Variants in CAMTA1 observed in about 807,000 individuals in gnomAD.
CAMTA1 encodes the protein calmodulin-binding transcription activator 1.
In CAMTA1, 27 loss-of-function variants were observed where a neutral mutation model predicts 170.9. The ratio of observed to expected loss-of-function variants is 0.16; its 90% CI spans 0.12 to 0.22. CAMTA1 has a LOEUF of 0.22. CAMTA1 is among the 10% of genes least tolerant of loss of function. The pLI is 1.00. For missense variants in CAMTA1, 1,619 were observed against 2,217.2 expected (o/e 0.73, Z 5.42); for synonymous variants, 833 against 891.5 (o/e 0.93, Z 1.17).
intron 5 of CAMTA1, among the ~76,000 whole-genome samples, chr1:7,275,070 A>G (rs1401440234): frequency 7.3e-6 from 1 of 136,310 alleles, no homozygotes; most frequent in Middle Eastern, 3.6e-3. Flanking sequence ...CGAACCCAGG[A>G]GGCGGAGGTT....
intron 3 of CAMTA1, among the ~76,000 whole-genome samples, chr1:6,903,142 T>C (rs991636776): frequency 6.6e-5 from 10 of 152,200 alleles, no homozygotes; most frequent in African/African-American, 2.4e-4. Context: ...ACCATATGGA[T>C]GGAGCTGAAG....
intron 6 of CAMTA1, among the ~76,000 whole-genome samples, chr1:7,531,026 A>C (rs934590758): frequency 6.6e-6 from 1 of 152,010 alleles, no homozygotes; most frequent in African/African-American, 2.4e-5. Flanking sequence ...CATGTTGGCC[A>C]GGCTGGTCTC....
rs34313253 is a variant in CAMTA1, at chr1:6,801,814, TA to T, written c.45+16253del. On this transcript the variant is annotated intron_variant, in intron 1 of 22. Transcript: ENST00000303635. ...TAAATAAACTGTCAGAATCACACAT[TA>T]AAAAAAAAAAAAAGTGATGGTAATC... 3.8e-3 allele frequency among the ~76,000 whole-genome samples: 535 copies of T among 141,244 alleles called. 2 individuals carry two copies. The highest frequency in any genetic ancestry group is 0.022 in the Middle Eastern group (6 of 268). 92.7% of individuals were successfully genotyped at this position (141,244 alleles called of 152,430 possible). A position where few individuals can be genotyped will look rare whatever the true frequency, so the allele number is the denominator to read the frequency against.
Position 7,736,319 on chromosome 1 carries a change from C to A in CAMTA1, c.3067-25C>A. 2 of 1,607,092 alleles carry A rather than the reference C, an allele frequency of 1.2e-6. No homozygotes were observed. Among genetic ancestry groups the A allele is most frequent in the Non-Finnish European group, 1.7e-6 (2 of 1,176,016 alleles). ...GGTCGAGGGCCTTTAGTCCTGAGGTCGTAACGTGCGCTTTTTTGTGACAGT... is the reference window on the plus strand; with the variant it reads ...GGTCGAGGGCCTTTAGTCCTGAGGTAGTAACGTGCGCTTTTTTGTGACAGT... On this transcript the variant is annotated intron_variant, in intron 12 of 22. Coordinates refer to ENST00000303635, the MANE Select transcript of CAMTA1 (RefSeq NM_015215.4). The surrounding 1 kb of genome is among the most constrained non-coding windows in gnomAD (Gnocchi z 4.5).
intron 4 of CAMTA1, among the ~76,000 whole-genome samples, chr1:7,242,286 G>A (rs912438324): frequency 2.0e-5 from 3 of 152,170 alleles, no homozygotes; most frequent in Admixed American, 6.5e-5. Context: ...AATGTCAAAC[G>A]CTGGGGAGGA....
chr1:7,632,662 G>A (rs2095679286), intron 6 of CAMTA1, among the ~76,000 whole-genome samples: 1 of 152,260 alleles, frequency 6.6e-6, no homozygotes, highest in Non-Finnish European at 1.5e-5. Flanking sequence ...GGAGATGGAG[G>A]AGCCGAGGCC....
chr1:7,471,672 T>G lies in CAMTA1; in HGVS notation c.510+3771T>G, dbSNP rs560531523. On this transcript the variant is annotated intron_variant, in intron 6 of 22. Transcript: ENST00000303635. ...GCTCCGTTCTCCCGATGCCTTGGCCTCTGCCCCTACCGCCTGATGTGGGTG... is the reference window on the plus strand; with the variant it reads ...GCTCCGTTCTCCCGATGCCTTGGCCGCTGCCCCTACCGCCTGATGTGGGTG... Among the ~76,000 whole-genome samples the G allele has an allele frequency of 4.4e-3, 664 of 152,380 alleles. 6 individuals carry two copies. Among genetic ancestry groups the G allele is most frequent in the African/African-American group, 0.015 (626 of 41,596 alleles).
chr1:7,664,128 C>T lies in CAMTA1; in HGVS notation c.1581C>T (p.Val527=), dbSNP rs1576686332. ...AGCGGAGCTTCAGCTTTACCACCGT[C>T]CTCACCAAGGAGATCAAGACCGAGG... ...PGERSFSFTT[V]LTKEIKTEDT... Residue 527 remains valine, a synonymous_variant, in exon 9 of 23, where the codon GTC becomes GTT. Transcript: ENST00000303635. The T allele has an allele frequency of 1.2e-6, 2 of 1,613,374 alleles. No individual in the cohort carries two copies. Among genetic ancestry groups the T allele is most frequent in the Middle Eastern group, 1.6e-4 (1 of 6,062 alleles).
chr1:7,507,737 C>G (rs754912714), intron 6 of CAMTA1, among the ~76,000 whole-genome samples: 1 of 152,206 alleles, frequency 6.6e-6, no homozygotes. Flanking sequence ...TTGGGGCCCA[C>G]GGGCCACGTC....
chr1:7,053,923 TCTC>T (rs1188765970), intron 3 of CAMTA1, among the ~76,000 whole-genome samples: 1 of 152,166 alleles, frequency 6.6e-6, no homozygotes, highest in Non-Finnish European at 1.5e-5. Flanking sequence ...CCTGGCGCTG[TCTC>T]CTCCTCTGTT....
chr1:7,085,727 C>T (rs558878803), intron 3 of CAMTA1, among the ~76,000 whole-genome samples: 6 of 152,370 alleles, frequency 3.9e-5, no homozygotes, highest in Non-Finnish European at 7.3e-5. Context: ...CACCTGCCAG[C>T]CCCCATGGGG....
intron 3 of CAMTA1, among the ~76,000 whole-genome samples, chr1:7,089,766 G>A (rs978240108): frequency 2.0e-5 from 3 of 152,124 alleles, no homozygotes; most frequent in Non-Finnish European, 4.4e-5. Context: ...CTGCCAACTG[G>A]GGGAAGGTGC....
At chr1:6,913,588 G>A (rs1028824338) in intron 3 of CAMTA1, among the ~76,000 whole-genome samples, 1 of 152,126 alleles carries the variant, frequency 6.6e-6, no homozygotes, top group Admixed American at 6.5e-5. Flanking sequence ...TTCCTGCCCT[G>A]GGTGCTGATC....
chr1:7,758,254 G>A (rs2096946135), intron 22 of CAMTA1, among the ~76,000 whole-genome samples: 1 of 152,190 alleles, frequency 6.6e-6, no homozygotes, highest in Admixed American at 6.5e-5. Context: ...CACATTTTCA[G>A]AAGGTGCTTT....
chr1:6,974,624 G>A (rs974913014), intron 3 of CAMTA1, among the ~76,000 whole-genome samples: 3 of 152,162 alleles, frequency 2.0e-5, no homozygotes, highest in African/African-American at 7.2e-5. Context: ...GAGGCTGCTC[G>A]GAGGGAGTCT....
chr1:7,523,545 A>G (rs551911286), intron 6 of CAMTA1, among the ~76,000 whole-genome samples: 309 of 152,332 alleles, frequency 2.0e-3, no homozygotes, highest in African/African-American at 7.0e-3. Flanking sequence ...CATTTTCAGT[A>G]TACAAATTCT....
chr1:7,318,687 G>A (rs1014092184), intron 5 of CAMTA1, among the ~76,000 whole-genome samples: 2 of 152,210 alleles, frequency 1.3e-5, no homozygotes, highest in Non-Finnish European at 2.9e-5. Flanking sequence ...GACATAAAAT[G>A]TTGCAGAGGG....
chr1:6,793,075 A>C (rs1569903729), intron 1 of CAMTA1, among the ~76,000 whole-genome samples: 1 of 151,536 alleles, frequency 6.6e-6, no homozygotes, highest in Admixed American at 6.6e-5. Flanking sequence ...ACTCTTATAT[A>C]TATCTTATAT....
intron 6 of CAMTA1, among the ~76,000 whole-genome samples, chr1:7,536,771 G>A (rs950214727): frequency 6.6e-6 from 1 of 152,192 alleles, no homozygotes; most frequent in Admixed American, 6.5e-5. Context: ...CCTTCCCTCT[G>A]CTCCACCCGC....
Sources: gnomAD v4.1 joint callset for allele counts (sites outside exome capture counted in the v4.1 genomes callset) on GRCh38, gnomAD v4.1.1 for gene constraint, Gnocchi (gnomAD v3.1) non-coding constraint, MANE v1.5 for transcripts, NCBI Gene and HGNC (gene_info 2026-07-23, HGNC 2026-07-21) for gene names.